The following PTK2B variants were observed in gnomAD, a reference collection of about 807,000 sequenced individuals.
The protein encoded by PTK2B is protein-tyrosine kinase 2-beta.
PTK2B carries 71 observed loss-of-function variants against 142.9 expected under a neutral mutation model. The ratio of observed to expected loss-of-function variants is 0.50; its 90% CI spans 0.41 to 0.61. The LOEUF (loss-of-function observed/expected upper bound fraction) is 0.61. Ranked by LOEUF, PTK2B falls within the 20% of genes least tolerant of loss-of-function variation. PTK2B has a pLI of 0.00. For synonymous variants in PTK2B, 519 were observed against 503.4 expected, an observed-to-expected ratio of 1.03 and a Z score of -0.42; for missense variants, 1,105 against 1,320.4, an observed-to-expected ratio of 0.84 and a Z score of 2.53.
rs190902810 is a variant in PTK2B, at chr8:27,451,884, C to T, written c.2548+375C>T. ...GCCTGTCCCAGTTCAGATTCATCTTCTGTAGGCCTGAGGGACAGAGGAGAG... is the reference window on the plus strand; with the variant it reads ...GCCTGTCCCAGTTCAGATTCATCTTTTGTAGGCCTGAGGGACAGAGGAGAG... On this transcript the variant is annotated intron_variant, in intron 27 of 30. Transcript: ENST00000346049. 3.6e-5 allele frequency: 21 copies of T among 578,142 alleles called. No homozygotes were observed. In the African/African-American group the frequency reaches 4.0e-4, roughly 11 times the overall value. The allele number at this position is 578,142 out of a possible 1,614,324, so 35.8% of individuals were successfully genotyped here. A position where few individuals can be genotyped will look rare whatever the true frequency, so the allele number is the denominator to read the frequency against.
intron 1 of PTK2B, among the ~76,000 whole-genome samples, chr8:27,393,479 C>T (rs528831985): frequency 1.3e-5 from 2 of 151,976 alleles, no homozygotes; most frequent in South Asian, 4.2e-4. Flanking sequence ...AGATAAGACA[C>T]CAGAGTCCTC....
Position 27,438,989 on chromosome 8 carries a change from G to A in PTK2B, c.1644-42G>A, listed in dbSNP as rs377125520. On this transcript the variant is annotated intron_variant, in intron 18 of 30. Coordinates refer to ENST00000346049, the MANE Select transcript of PTK2B (RefSeq NM_173176.3). ...ATCTCTCTGTTCCTGCTCCCATGGG[G>A]GTGGGCAGTGCCTCATCCTGGTCTT... 4.0e-6 allele frequency: 6 copies of A among 1,518,246 alleles called. No homozygotes were observed. The Admixed American group carries it at 6.7e-5, about 17-fold the overall frequency. 94.0% of individuals were successfully genotyped at this position (1,518,246 alleles called of 1,614,324 possible). A position where few individuals can be genotyped will look rare whatever the true frequency, so the allele number is the denominator to read the frequency against.
upstream of PTK2B, chr8:27,322,341 T>C (rs1335210341): frequency 6.6e-6 from 1 of 152,220 alleles, no homozygotes; most frequent in Non-Finnish European, 1.5e-5. Flanking sequence ...CTTTACCACC[T>C]GGGAGCCTGT....
At chr8:27,455,248 G>A (rs1217267476) in intron 30 of PTK2B, among the ~76,000 whole-genome samples, 1 of 152,000 alleles carries the variant, frequency 6.6e-6, no homozygotes, top group Admixed American at 6.5e-5. Context: ...AGGATCAGGG[G>A]TCCTGATCTT....
intron 1 of PTK2B, among the ~76,000 whole-genome samples, chr8:27,331,510 G>A (rs1048234544): frequency 6.6e-6 from 1 of 151,752 alleles, no homozygotes; most frequent in African/African-American, 2.4e-5. Flanking sequence ...TGGGTGCAGG[G>A]GCATGAGCCA....
intron 1 of PTK2B, among the ~76,000 whole-genome samples, chr8:27,382,053 G>C (rs551301388): frequency 1.3e-5 from 2 of 152,286 alleles, no homozygotes; most frequent in Non-Finnish European, 2.9e-5. Flanking sequence ...GGGTTCCAAT[G>C]ATTCTCGTGC....
chr8:27,328,426 G>A (rs937573877), intron 1 of PTK2B, among the ~76,000 whole-genome samples: 1 of 152,218 alleles, frequency 6.6e-6, no homozygotes, highest in African/African-American at 2.4e-5. Flanking sequence ...GGAACCTAGA[G>A]GAAGTTAAGA....
At chr8:27,453,190 A>G in intron 28 of PTK2B, 30 bp downstream of exon 28, 1 of 1,613,322 alleles carries the variant, frequency 6.2e-7, no homozygotes, top group African/African-American at 1.3e-5. Context: ...AAACTGATAA[A>G]TGAGAGTGGG....
In PTK2B at chr8:27,450,902, A is replaced by C. The variant is rs1387922073; in HGVS notation, c.2487+7A>C. 2 of 1,613,992 alleles carry C rather than the reference A, an allele frequency of 1.2e-6. No homozygotes were observed. Among genetic ancestry groups the C allele is most frequent in the Non-Finnish European group, 1.7e-6 (2 of 1,180,008 alleles). ...GCAGGAGGAGAAGTCCCTGGTGAGCACCCCAGGAAGGATGTCGGTGCCCTG... is the reference window on the plus strand; with the variant it reads ...GCAGGAGGAGAAGTCCCTGGTGAGCCCCCCAGGAAGGATGTCGGTGCCCTG... On this transcript the variant is annotated splice_region_variant and intron_variant, in intron 25 of 30. Coordinates refer to ENST00000346049, the MANE Select transcript of PTK2B (RefSeq NM_173176.3).
chr8:27,445,968 G>A, intron 24 of PTK2B, 49 bp downstream of exon 24: 1 of 1,607,566 alleles, frequency 6.2e-7, no homozygotes, highest in South Asian at 1.1e-5. Flanking sequence ...GGAGGCTGCT[G>A]GAGGGAGGTG....
chr8:27,398,623 G>C lies in PTK2B; in HGVS notation c.204+835G>C, dbSNP rs148767852. On this transcript the variant is annotated intron_variant, in intron 2 of 30. Coordinates refer to ENST00000346049, the MANE Select transcript of PTK2B (RefSeq NM_173176.3). ...AGAGCACCCCTTTCTGATGATGGGA[G>C]GGAAATCCAGATTGGTTCTCAGGTT... Among the ~76,000 whole-genome samples, 114 of 152,342 alleles carry C rather than the reference G, an allele frequency of 7.5e-4. 2 individuals are homozygous for C. Among genetic ancestry groups the C allele is most frequent in the East Asian group, 3.9e-4 (2 of 5,180 alleles).
chr8:27,449,675 A>G (rs1586355197), intron 24 of PTK2B, among the ~76,000 whole-genome samples: 1 of 152,250 alleles, frequency 6.6e-6, no homozygotes, highest in Non-Finnish European at 1.5e-5. Context: ...CCATCTGTCC[A>G]GGAGGCCAGG....
chr8:27,355,457 C>T (rs1805342604), intron 1 of PTK2B, among the ~76,000 whole-genome samples: 1 of 152,148 alleles, frequency 6.6e-6, no homozygotes, highest in Non-Finnish European at 1.5e-5. Context: ...AGGATTCTCC[C>T]CTAGCACCCC....
chr8:27,419,511 G>A (rs1809611639), intron 2 of PTK2B, among the ~76,000 whole-genome samples: 1 of 152,208 alleles, frequency 6.6e-6, no homozygotes, highest in African/African-American at 2.4e-5. Context: ...AGCAGTGCCT[G>A]GTGCAGGAGC....
chr8:27,310,718 G>A (rs1167172562), upstream of PTK2B: 2 of 1,434,338 alleles, frequency 1.4e-6, no homozygotes, highest in African/African-American at 1.4e-5. Flanking sequence ...GCTCTGGCAG[G>A]CAGGAGGGGC....
At chr8:27,445,736 A>C in intron 23 of PTK2B, 58 bp from the exon 24 acceptor site, 3 of 1,604,842 alleles carry the variant, frequency 1.9e-6, no homozygotes, top group Middle Eastern at 1.7e-4. Flanking sequence ...TGTAGCAGCT[A>C]ATTGTCTACC....
intron 1 of PTK2B, among the ~76,000 whole-genome samples, chr8:27,369,454 G>C (rs183841011): frequency 2.6e-5 from 4 of 152,300 alleles, no homozygotes; most frequent in Admixed American, 2.0e-4. Flanking sequence ...TGGATCACCT[G>C]AGATCAGGAG....
chr8:27,422,416 G>A (rs748803272), intron 5 of PTK2B, 33 bp downstream of exon 5: 12 of 1,556,568 alleles, frequency 7.7e-6, no homozygotes, highest in East Asian at 2.3e-5. Flanking sequence ...CTGGGAGGGC[G>A]CTGTGCTGAG....
intron 2 of PTK2B, 61 bp downstream of exon 2, chr8:27,397,849 T>C (rs1484011233): frequency 6.3e-7 from 1 of 1,582,164 alleles, no homozygotes; most frequent in African/African-American, 1.3e-5. Context: ...CCTGGGCAGC[T>C]GAGCAGCTCT....
Sources: gnomAD v4.1 joint callset for allele counts (sites outside exome capture counted in the v4.1 genomes callset) on GRCh38, gnomAD v4.1.1 for gene constraint, MANE v1.5 for transcripts, NCBI Gene and HGNC (gene_info 2026-07-23, HGNC 2026-07-21) for gene names.